The following CAB39 variants were observed in gnomAD, a reference collection of about 807,000 sequenced individuals.
CAB39 encodes the protein calcium binding protein 39.
A neutral mutation model predicts 40.0 loss-of-function variants in CAB39; 8 were observed. The observed-to-expected ratio is 0.20, with a 90% CI of 0.12 to 0.36. The LOEUF (loss-of-function observed/expected upper bound fraction) is 0.36. Among genes scored for constraint, CAB39 ranks in the 10% least tolerant of loss-of-function variants. The pLI is 1.00. For missense variants in CAB39, 270 were observed against 401.1 expected, an observed-to-expected ratio of 0.67 and a Z score of 2.79; for synonymous variants, 156 against 141.6, an observed-to-expected ratio of 1.10 and a Z score of -0.72.
intron 1 of CAB39, among the ~76,000 whole-genome samples, chr2:230,719,068 T>C (rs550119490): frequency 6.6e-6 from 1 of 152,346 alleles, no homozygotes; most frequent in African/African-American, 2.4e-5. Flanking sequence ...ATACTAATAT[T>C]CATAATATTT....
intron 6 of CAB39, among the ~76,000 whole-genome samples, chr2:230,813,322 C>T (rs1373618889): frequency 1.3e-5 from 2 of 152,178 alleles, no homozygotes; most frequent in African/African-American, 4.8e-5. Flanking sequence ...TCAGTGACCG[C>T]TGTTTTGAAG....
intron 1 of CAB39, among the ~76,000 whole-genome samples, chr2:230,742,914 G>C (rs1694908406): frequency 6.6e-6 from 1 of 151,890 alleles, no homozygotes; most frequent in Non-Finnish European, 1.5e-5. Flanking sequence ...TTTTTGGTAT[G>C]AGTTAAGAAT....
At chr2:230,776,081 G>C (rs1695580271) in intron 2 of CAB39, among the ~76,000 whole-genome samples, 1 of 152,100 alleles carries the variant, frequency 6.6e-6, no homozygotes, top group Admixed American at 6.5e-5. Context: ...GGCATGTTCA[G>C]AAAACAGTGA....
intron 2 of CAB39, among the ~76,000 whole-genome samples, chr2:230,782,992 G>C (rs1695719922): frequency 6.6e-6 from 1 of 151,092 alleles, no homozygotes; most frequent in Non-Finnish European, 1.5e-5. Flanking sequence ...TTTTGTTTTT[G>C]TTTTTGTTTT....
At chr2:230,780,093 G>A (rs1695660232) in intron 2 of CAB39, among the ~76,000 whole-genome samples, 3 of 152,156 alleles carry the variant, frequency 2.0e-5, no homozygotes, top group Admixed American at 6.5e-5. Context: ...TGAGGCCACA[G>A]AACTGGCACA....
chr2:230,718,933 T>C (rs946023058), intron 1 of CAB39, among the ~76,000 whole-genome samples: 1 of 152,236 alleles, frequency 6.6e-6, no homozygotes, highest in African/African-American at 2.4e-5. Context: ...TCCAGTTTAC[T>C]TGAATTAAGT....
intron 2 of CAB39, among the ~76,000 whole-genome samples, chr2:230,784,551 A>C (rs1412713192): frequency 6.6e-6 from 1 of 152,162 alleles, no homozygotes; most frequent in Non-Finnish European, 1.5e-5. Flanking sequence ...GCCAAGGTGA[A>C]TGAGGCAAAA....
intron 2 of CAB39, among the ~76,000 whole-genome samples, chr2:230,770,336 C>G (rs1391895694): frequency 6.6e-6 from 1 of 152,116 alleles, no homozygotes; most frequent in African/African-American, 2.4e-5. Flanking sequence ...AATATATGAA[C>G]AACTGCATGC....
At position 230,777,428 on chromosome 2, in the gene CAB39, T is replaced by G. The variant is rs567925528; in HGVS notation, c.115-13444T>G. 7.4e-4 allele frequency among the ~76,000 whole-genome samples: 112 copies of G among 151,896 alleles called. 1 individual carries two copies. The highest frequency in any genetic ancestry group is 2.6e-3 in the African/African-American group (106 of 41,430). ...TGCATATAGATCTCAATTTTGTTTT[T>G]TTTTTTTTAAATATGGAGTCTTGCT... On this transcript the variant is annotated intron_variant, in intron 2 of 8. Coordinates refer to ENST00000258418, the MANE Select transcript of CAB39 (RefSeq NM_016289.4).
At chr2:230,780,348 A>T (rs1227562727) in intron 2 of CAB39, among the ~76,000 whole-genome samples, 1 of 152,244 alleles carries the variant, frequency 6.6e-6, no homozygotes, top group African/African-American at 2.4e-5. Flanking sequence ...AATCCAAAAA[A>T]TAACATTGGT....
chr2:230,818,766 G>A lies in CAB39; in HGVS notation c.*62G>A, dbSNP rs1345626845. 1 of 1,300,176 alleles carries A rather than the reference G, an allele frequency of 7.7e-7. No homozygotes were observed. The highest frequency in any genetic ancestry group is 2.4e-5 in the East Asian group (1 of 42,118). 80.5% of individuals were successfully genotyped at this position (1,300,176 alleles called of 1,614,324 possible). On this transcript the variant is annotated 3_prime_UTR_variant, in exon 9 of 9. Transcript: ENST00000258418. ...ATTTGCTGTTAGCTATTCAGCATCA[G>A]GCACTCTTATTGATTCATGAGGAAC...
intron 1 of CAB39, among the ~76,000 whole-genome samples, chr2:230,718,407 A>G (rs191177748): frequency 5.3e-5 from 8 of 152,312 alleles, no homozygotes; most frequent in African/African-American, 1.9e-4. Context: ...ATACTTGGAC[A>G]GGTTTCTGTT....
intron 2 of CAB39, among the ~76,000 whole-genome samples, chr2:230,777,885 C>T (rs560607519): frequency 5.7e-4 from 87 of 152,278 alleles, no homozygotes; most frequent in African/African-American, 2.0e-3. Context: ...GTATAATTCA[C>T]AGGAAGTTGC....
chr2:230,756,715 C>T (rs1466104450), intron 1 of CAB39, among the ~76,000 whole-genome samples: 11 of 150,652 alleles, frequency 7.3e-5, no homozygotes, highest in East Asian at 2.0e-4. Flanking sequence ...ATTTTTGAGA[C>T]GGAGTTTCGC....
chr2:230,814,425 G>A (rs1024699886), intron 7 of CAB39, among the ~76,000 whole-genome samples: 11 of 152,320 alleles, frequency 7.2e-5, no homozygotes, highest in Admixed American at 3.9e-4. Flanking sequence ...CACTCCAGGT[G>A]CTGTGCTCCT....
Position 230,793,287 on chromosome 2 carries a change from A to G in CAB39, c.354A>G (p.Glu118=). The G allele has an allele frequency of 6.2e-7, 1 of 1,608,582 alleles. No homozygotes were observed. Among genetic ancestry groups the G allele is most frequent in the Non-Finnish European group, 8.5e-7 (1 of 1,175,438 alleles). ...RQIGTRTPTV[E]YICTQQNILF... ...TTGGTACGAGAACTCCTACTGTTGA[A>G]TACATCTGCACCCAACAGAATATTT... Residue 118 remains glutamate (E), a synonymous_variant, in exon 4 of 9, where the codon GAA becomes GAG. Transcript: ENST00000258418.
intron 5 of CAB39, among the ~76,000 whole-genome samples, chr2:230,800,773 G>A (rs1018479776): frequency 6.6e-6 from 1 of 152,156 alleles, no homozygotes; most frequent in East Asian, 1.9e-4. Context: ...GGCACAGATG[G>A]CAAAGGTGGC....
At chr2:230,807,633 C>A (rs899403637) in intron 5 of CAB39, among the ~76,000 whole-genome samples, 4 of 152,128 alleles carry the variant, frequency 2.6e-5, no homozygotes, top group African/African-American at 4.8e-5. Context: ...GTTAGAGGTC[C>A]CCCTTTGTGT....
At chr2:230,718,040 G>A (rs1694382225) in intron 1 of CAB39, among the ~76,000 whole-genome samples, 1 of 152,154 alleles carries the variant, frequency 6.6e-6, no homozygotes, top group African/African-American at 2.4e-5. Flanking sequence ...TATAGATTGT[G>A]TTTGCTTGTT....
Sources: gnomAD v4.1 joint callset for allele counts (sites outside exome capture counted in the v4.1 genomes callset) on GRCh38, gnomAD v4.1.1 for gene constraint, MANE v1.5 for transcripts, NCBI Gene and HGNC (gene_info 2026-07-23, HGNC 2026-07-21) for gene names.